Variants in CCSER1 observed in about 807,000 individuals in gnomAD.
CCSER1 encodes coiled-coil serine rich protein 1.
Under a neutral mutation model 82.0 loss-of-function variants are expected in CCSER1, and 41 were observed. That is an observed-to-expected ratio of 0.50 (90% CI 0.39 to 0.65). CCSER1 has a LOEUF of 0.65. Among genes scored for constraint, CCSER1 ranks in the 30% least tolerant of loss-of-function variants. The probability of loss-of-function intolerance (pLI) is 0.00; values close to 1 mark genes in which losing one functional copy is unlikely to be tolerated. For missense variants in CCSER1, 1,119 were observed against 1,064.2 expected (o/e 1.05, Z -0.72); for synonymous variants, 414 against 383.9 (o/e 1.08, Z -0.92).
rs2150551751 is a variant in CCSER1, at chr4:91,029,897, C to T, written c.2173-56053C>T. Among the ~76,000 whole-genome samples, 2 of 152,242 alleles carry T rather than the reference C, an allele frequency of 1.3e-5. 1 individual carries two copies. The highest frequency in any genetic ancestry group is 4.1e-4 in the South Asian group (2 of 4,824). On this transcript the variant is annotated intron_variant, in intron 9 of 10. Coordinates refer to ENST00000509176, the MANE Select transcript of CCSER1 (RefSeq NM_001145065.2). ...CAAAAGCATGGGCATTAAATTCACACTGCTAACAATGTACAAAATGTACCA... is the reference window on the plus strand; with the variant it reads ...CAAAAGCATGGGCATTAAATTCACATTGCTAACAATGTACAAAATGTACCA...
At chr4:90,499,063 G>A (rs7657461) in intron 5 of CCSER1, among the ~76,000 whole-genome samples, 2,453 of 151,866 alleles carry the variant, frequency 0.016, 39 homozygotes, top group African/African-American at 0.048. Flanking sequence ...TAAGCCCTAT[G>A]TTTCTAAAAA....
At chr4:90,740,345 T>C (rs766677045) in intron 7 of CCSER1, among the ~76,000 whole-genome samples, 10 of 152,150 alleles carry the variant, frequency 6.6e-5, no homozygotes, top group Non-Finnish European at 1.3e-4. Flanking sequence ...GCAGACAGCA[T>C]TACTGATGGA....
intron 10 of CCSER1, among the ~76,000 whole-genome samples, chr4:91,154,271 G>T (rs1159540158): frequency 6.6e-6 from 1 of 152,078 alleles, no homozygotes; most frequent in East Asian, 1.9e-4. Flanking sequence ...TGCTGTGCTA[G>T]CAGTGAGCAA....
intron 1 of CCSER1, among the ~76,000 whole-genome samples, chr4:90,153,564 T>G (rs1727339721): frequency 6.6e-6 from 1 of 152,048 alleles, no homozygotes; most frequent in Non-Finnish European, 1.5e-5. Flanking sequence ...CCTGACTTTT[T>G]AATGATTGCC....
At chr4:90,878,062 C>G (rs970581675) in intron 8 of CCSER1, among the ~76,000 whole-genome samples, 4 of 152,112 alleles carry the variant, frequency 2.6e-5, no homozygotes, top group African/African-American at 9.7e-5. Flanking sequence ...TCCATTCTCC[C>G]TTTTGCTATC....
intron 6 of CCSER1, among the ~76,000 whole-genome samples, chr4:90,639,089 C>CCAA: frequency 6.6e-6 from 1 of 152,002 alleles, no homozygotes; most frequent in Non-Finnish European, 1.5e-5. Flanking sequence ...AGTGATCTTA[C>CCAA]TTGTGTGATA....
intron 4 of CCSER1, among the ~76,000 whole-genome samples, chr4:90,445,136 AG>A (rs1234703096): frequency 6.6e-6 from 1 of 152,056 alleles, no homozygotes; most frequent in African/African-American, 2.4e-5. Flanking sequence ...AGCCTGGAGA[AG>A]GAACTGTTAG....
chr4:91,178,729 C>G (rs994234499), intron 10 of CCSER1, among the ~76,000 whole-genome samples: 2 of 152,092 alleles, frequency 1.3e-5, no homozygotes, highest in Non-Finnish European at 2.9e-5. Context: ...CTCCTGTATA[C>G]AGCTCACTGA....
rs576810953 is a variant in CCSER1 at position 91,260,815 on chromosome 4, C to T, written c.2217+174821C>T. Among the ~76,000 whole-genome samples, 12 of 152,182 alleles carry T rather than the reference C, an allele frequency of 7.9e-5. No individual in the cohort carries two copies. The East Asian group carries it at 1.9e-3, about 25-fold the overall frequency. ...TCACTCAGTCGCCCAGGCTAGCGTG[C>T]AATGGCGCGATCTCGGCTCACTGCA... On this transcript the variant is annotated intron_variant, in intron 10 of 10. Coordinates refer to ENST00000509176, the MANE Select transcript of CCSER1 (RefSeq NM_001145065.2).
chr4:90,216,560 G>A (rs747760136), intron 1 of CCSER1, among the ~76,000 whole-genome samples: 18 of 152,172 alleles, frequency 1.2e-4, no homozygotes, highest in Non-Finnish European at 2.5e-4. Flanking sequence ...CATTGACTTT[G>A]TTGAAGATCA....
intron 1 of CCSER1, among the ~76,000 whole-genome samples, chr4:90,230,166 A>G (rs1014501866): frequency 1.3e-4 from 20 of 152,178 alleles, no homozygotes; most frequent in African/African-American, 4.6e-4. Flanking sequence ...AACAGAATAT[A>G]CATTTTTTTC....
At chr4:91,426,236 C>T (rs1578422895) in intron 10 of CCSER1, among the ~76,000 whole-genome samples, 1 of 152,180 alleles carries the variant, frequency 6.6e-6, no homozygotes. Context: ...TTTATGGCTG[C>T]ATAGTATTCC....
At chr4:90,477,806 A>T (rs1240087167) in intron 5 of CCSER1, among the ~76,000 whole-genome samples, 3 of 152,208 alleles carry the variant, frequency 2.0e-5, no homozygotes, top group East Asian at 3.9e-4. Flanking sequence ...TTTTATTTCG[A>T]AGGTAGAACC....
intron 9 of CCSER1, among the ~76,000 whole-genome samples, chr4:91,073,020 A>T (rs17018019): frequency 0.036 from 5,545 of 152,200 alleles, 319 homozygotes; most frequent in African/African-American, 0.12. Context: ...AAAGTGAAGC[A>T]TGGTTAAGTG....
intron 8 of CCSER1, among the ~76,000 whole-genome samples, chr4:90,898,554 G>A (rs1469792379): frequency 1.3e-5 from 2 of 151,278 alleles, no homozygotes; most frequent in Non-Finnish European, 3.0e-5. Flanking sequence ...TCCCAAAGTG[G>A]TGGAATTACA....
chr4:90,336,367 C>T (rs10776487), intron 3 of CCSER1, among the ~76,000 whole-genome samples: 99,704 of 152,102 alleles, frequency 0.66, 34,190 homozygotes, highest in African/African-American at 0.86. Flanking sequence ...AAACATAGGA[C>T]TCTACATGTG....
chr4:90,241,202 A>G (rs191367576), intron 1 of CCSER1, among the ~76,000 whole-genome samples: 3 of 152,246 alleles, frequency 2.0e-5, no homozygotes, highest in East Asian at 1.9e-4. Context: ...TACAACCACT[A>G]TTGTGGTTTA....
chr4:90,635,874 G>A (rs915009916), intron 6 of CCSER1, among the ~76,000 whole-genome samples: 1 of 151,706 alleles, frequency 6.6e-6, no homozygotes, highest in African/African-American at 2.4e-5. Context: ...GAGATCACAT[G>A]CACCCAAAAA....
At chr4:91,469,445 C>T (rs1757140725) in intron 10 of CCSER1, among the ~76,000 whole-genome samples, 1 of 152,292 alleles carries the variant, frequency 6.6e-6, no homozygotes, top group African/African-American at 2.4e-5. Flanking sequence ...TTTTAGGAAA[C>T]CTATCAACCA....
Sources: allele counts gnomAD v4.1 joint callset (sites outside exome capture counted in the v4.1 genomes callset), GRCh38; gene constraint gnomAD v4.1.1; transcripts MANE v1.5; gene names NCBI Gene and HGNC (gene_info 2026-07-23, HGNC 2026-07-21).